Variants in RBFOX1 observed in about 807,000 individuals in gnomAD.
RBFOX1 encodes RNA binding fox-1 homolog 1.
A neutral mutation model predicts 57.7 loss-of-function variants in RBFOX1; 8 were observed. That is an observed-to-expected ratio of 0.14 (90% CI 0.08 to 0.25). The LOEUF (loss-of-function observed/expected upper bound fraction) is 0.25. Among genes scored for constraint, RBFOX1 ranks in the 10% least tolerant of loss-of-function variants. The pLI, the probability that RBFOX1 is intolerant of heterozygous loss-of-function variation, is 1.00. For missense variants in RBFOX1, 611 were observed against 548.5 expected (o/e 1.11, Z -1.14); for synonymous variants, 326 against 222.4 (o/e 1.47, Z -4.15).
intron 4 of RBFOX1, among the ~76,000 whole-genome samples, chr16:7,258,819 A>G (rs933731316): frequency 6.6e-6 from 1 of 152,130 alleles, no homozygotes; most frequent in Non-Finnish European, 1.5e-5. Flanking sequence ...ATGTCATTTC[A>G]TGCTTTGAAT....
At chr16:6,906,091 C>G (rs1039901805) in intron 3 of RBFOX1, among the ~76,000 whole-genome samples, 2 of 148,074 alleles carry the variant, frequency 1.4e-5, no homozygotes, top group African/African-American at 5.1e-5. Flanking sequence ...TTCGATGGAA[C>G]GCTTTGCTTT....
At position 6,211,474 on chromosome 16, in the gene RBFOX1, C is replaced by T. The variant is rs527508814; in HGVS notation, c.-126-105521C>T. Among the ~76,000 whole-genome samples the T allele has an allele frequency of 1.9e-4, 29 of 152,244 alleles. 1 individual carries two copies. In the South Asian group the frequency reaches 2.9e-3, roughly 15 times the overall value. On this transcript the variant is annotated intron_variant, in intron 1 of 15. Transcript: ENST00000550418. Reference sequence around the variant, plus strand: ...TGATCTCCTGACCACGTGATCCACCCGCCTCTGCCTCCCAAAGTGCTGGGA... The same window carrying T: ...TGATCTCCTGACCACGTGATCCACCTGCCTCTGCCTCCCAAAGTGCTGGGA...
chr16:7,273,295 A>G (rs544541530), intron 4 of RBFOX1, among the ~76,000 whole-genome samples: 1 of 137,914 alleles, frequency 7.3e-6, no homozygotes, highest in South Asian at 2.3e-4. Context: ...ATGAGCCAGA[A>G]TGTTACGCTA....
chr16:5,289,750 G>A (rs1479562075), intron 1 of RBFOX1, among the ~76,000 whole-genome samples: 1 of 152,230 alleles, frequency 6.6e-6, no homozygotes, highest in Non-Finnish European at 1.5e-5. Flanking sequence ...GGCATAAAGA[G>A]AATGTATAAA....
chr16:7,677,161 C>CT (rs2073578174), intron 14 of RBFOX1, among the ~76,000 whole-genome samples: 1 of 43,976 alleles, frequency 2.3e-5, no homozygotes, highest in Admixed American at 3.2e-4. Flanking sequence ...ACACACACAC[C>CT]GTACAACCTT....
At chr16:7,472,520 T>C (rs1187978888) in intron 4 of RBFOX1, among the ~76,000 whole-genome samples, 1 of 152,216 alleles carries the variant, frequency 6.6e-6, no homozygotes, top group African/African-American at 2.4e-5. Context: ...AAAATCTTTA[T>C]TTTAGAATGC....
intron 4 of RBFOX1, among the ~76,000 whole-genome samples, chr16:5,964,850 C>A (rs1357364992): frequency 2.0e-5 from 3 of 151,798 alleles, no homozygotes; most frequent in Non-Finnish European, 2.9e-5. Context: ...ACACAATGAC[C>A]TTAGAGTTCA....
chr16:5,435,256 A>T (rs1213037914), intron 1 of RBFOX1, among the ~76,000 whole-genome samples: 5 of 152,100 alleles, frequency 3.3e-5, no homozygotes, highest in African/African-American at 1.2e-4. Flanking sequence ...GGTTAAACTG[A>T]TATGTGCAAA....
intron 1 of RBFOX1, among the ~76,000 whole-genome samples, chr16:6,059,942 C>G (rs1308028566): frequency 6.6e-6 from 1 of 152,016 alleles, no homozygotes; most frequent in East Asian, 1.9e-4. Context: ...CAACATCCCC[C>G]TATGTTTACA....
In RBFOX1 at chr16:6,350,532, A is replaced by C. The variant is rs551987588; in HGVS notation, c.-64+33475A>C. 4.6e-4 allele frequency among the ~76,000 whole-genome samples: 68 copies of C among 148,212 alleles called. No homozygotes were observed. In the East Asian group the frequency reaches 8.4e-3, roughly 18 times the overall value. On this transcript the variant is annotated intron_variant, in intron 2 of 15. Transcript: ENST00000550418. Reference sequence around the variant, plus strand: ...CTCTAGAATATACTTCCCAACTTCTAAGTACTTCATTTAACTAGTTTTAGG... The same window carrying C: ...CTCTAGAATATACTTCCCAACTTCTCAGTACTTCATTTAACTAGTTTTAGG...
intron 2 of RBFOX1, among the ~76,000 whole-genome samples, chr16:6,367,368 T>A (rs1327088640): frequency 6.6e-6 from 1 of 152,142 alleles, no homozygotes; most frequent in Non-Finnish European, 1.5e-5. Context: ...CCTCCCGGGT[T>A]CAGGTGATTC....
chr16:5,681,148 A>G (rs1306834783), intron 3 of RBFOX1, among the ~76,000 whole-genome samples: 1 of 151,600 alleles, frequency 6.6e-6, no homozygotes, highest in South Asian at 2.1e-4. Flanking sequence ...ATCTCGGCTC[A>G]CTGCAAGCTC....
intron 1 of RBFOX1, among the ~76,000 whole-genome samples, chr16:6,315,617 A>C (rs1780896454): frequency 6.6e-6 from 1 of 152,070 alleles, no homozygotes; most frequent in South Asian, 2.1e-4. Flanking sequence ...GAATGAGTGC[A>C]TCATTGCTGT....
At chr16:7,386,819 G>A (rs887808791) in intron 4 of RBFOX1, among the ~76,000 whole-genome samples, 5 of 152,086 alleles carry the variant, frequency 3.3e-5, no homozygotes, top group African/African-American at 1.2e-4. Flanking sequence ...TTCCACAATG[G>A]TTGAACTAAT....
intron 3 of RBFOX1, among the ~76,000 whole-genome samples, chr16:5,681,560 T>G (rs181523379): frequency 1.3e-5 from 2 of 151,530 alleles, no homozygotes; most frequent in African/African-American, 4.8e-5. Flanking sequence ...AGCTAATTTT[T>G]TTTTGCATTT....
chr16:5,837,311 C>T (rs2077357), intron 3 of RBFOX1, among the ~76,000 whole-genome samples: 66,072 of 151,374 alleles, frequency 0.44, 14,691 homozygotes, highest in East Asian at 0.62. Flanking sequence ...CTCACAGATA[C>T]AGCCCCAAGG....
At chr16:7,441,548 G>A (rs1176260331) in intron 4 of RBFOX1, among the ~76,000 whole-genome samples, 1 of 148,790 alleles carries the variant, frequency 6.7e-6, no homozygotes, top group Non-Finnish European at 1.5e-5. Context: ...TCACGTCAGG[G>A]CTTGTAAACC....
At chr16:6,431,294 G>T (rs1597143600) in intron 2 of RBFOX1, among the ~76,000 whole-genome samples, 1 of 152,174 alleles carries the variant, frequency 6.6e-6, no homozygotes, top group South Asian at 2.1e-4. Flanking sequence ...GTGGTGCAAA[G>T]AGTCAAGAAG....
chr16:7,054,286 C>G (rs899232096), intron 4 of RBFOX1, among the ~76,000 whole-genome samples: 1 of 70,904 alleles, frequency 1.4e-5, no homozygotes, highest in African/African-American at 4.2e-5. Context: ...TTTCATCATG[C>G]TGGAGTGCCG....
Sources: allele counts gnomAD v4.1 joint callset (sites outside exome capture counted in the v4.1 genomes callset), GRCh38; gene constraint gnomAD v4.1.1; transcripts MANE v1.5; gene names NCBI Gene and HGNC (gene_info 2026-07-23, HGNC 2026-07-21).